Variants in SH2B2 observed in about 807,000 individuals in gnomAD.
SH2B2 encodes the protein SH2B adaptor protein 2.
SH2B2 carries 37 observed loss-of-function variants against 35.7 expected under a neutral mutation model. The ratio of observed to expected loss-of-function variants is 1.04; its 90% CI spans 0.80 to 1.36. The LOEUF (loss-of-function observed/expected upper bound fraction) is 1.36. Ranked by LOEUF, SH2B2 falls within the 40% of genes most tolerant of loss-of-function variation. The pLI is 0.00. For synonymous variants in SH2B2, 383 were observed against 376.4 expected (o/e 1.02, Z -0.20); for missense variants, 852 against 817.7 (o/e 1.04, Z -0.51).
Position 102,300,526 on chromosome 7 carries a change from A to C in SH2B2, c.-25A>C. On this transcript the variant is annotated 5_prime_UTR_variant, in exon 2 of 9. Coordinates refer to ENST00000444095, the MANE Select transcript of SH2B2 (RefSeq NM_001359228.2). ...GCGCGCTCTTCTCGCCCGAAGCCGCAGGTGGCTGCGATGGGACGGAAGCCA... is the reference window on the plus strand; with the variant it reads ...GCGCGCTCTTCTCGCCCGAAGCCGCCGGTGGCTGCGATGGGACGGAAGCCA... The C allele has an allele frequency of 6.5e-7, 1 of 1,533,996 alleles. No homozygotes were observed. Among genetic ancestry groups the C allele is most frequent in the Non-Finnish European group, 8.8e-7 (1 of 1,142,714 alleles).
chr7:102,293,255 G>A (rs1221300475), intron 1 of SH2B2: 1 of 140,960 alleles, frequency 7.1e-6, no homozygotes, highest in African/African-American at 2.6e-5. Context: ...TTTTACCGCC[G>A]GAAAGCCGCC....
intron 1 of SH2B2, among the ~76,000 whole-genome samples, chr7:102,294,861 C>T (rs1446762830): frequency 2.6e-5 from 4 of 152,204 alleles, no homozygotes; most frequent in African/African-American, 4.8e-5. Flanking sequence ...GGGGCTGGAC[C>T]TACTGAGGGC....
At chr7:102,303,977 A>G (rs1793297996) in intron 2 of SH2B2, among the ~76,000 whole-genome samples, 1 of 152,068 alleles carries the variant, frequency 6.6e-6, no homozygotes, top group South Asian at 2.1e-4. Context: ...GTGTCATGCA[A>G]AGGTGGGGGC....
chr7:102,294,312 G>A (rs781870585), intron 1 of SH2B2, among the ~76,000 whole-genome samples: 8 of 152,190 alleles, frequency 5.3e-5, no homozygotes, highest in Non-Finnish European at 1.0e-4. Context: ...ACAGGCTTGA[G>A]CCACCACATC....
rs529488609 is a variant in SH2B2, at chr7:102,301,584, G to A, written c.729+305G>A. Among the ~76,000 whole-genome samples, 37 of 151,434 alleles carry A rather than the reference G, an allele frequency of 2.4e-4. No individual in the cohort carries two copies. In the East Asian group the frequency reaches 6.2e-3, roughly 26 times the overall value. On this transcript the variant is annotated intron_variant, in intron 2 of 8. Transcript: ENST00000444095. ...CGTGTGTGTGTGTGTGTGTGTGTGC[G>A]CGCGCGTGTGTGTGTGTCCCTCTGT...
At chr7:102,289,189 G>T (rs1792576295) in intron 1 of SH2B2, among the ~76,000 whole-genome samples, 1 of 152,198 alleles carries the variant, frequency 6.6e-6, no homozygotes, top group Non-Finnish European at 1.5e-5. Context: ...GGTTCCTCTG[G>T]GTGAAGCAGG....
At chr7:102,315,456 G>T (rs542019610) in intron 6 of SH2B2, among the ~76,000 whole-genome samples, 2 of 152,122 alleles carry the variant, frequency 1.3e-5, no homozygotes, top group East Asian at 3.9e-4. Context: ...AGCCTCCCGA[G>T]TAGCTGAGAT....
chr7:102,293,248 T>A (rs1323595917), intron 1 of SH2B2: 18 of 142,736 alleles, frequency 1.3e-4, no homozygotes, highest in African/African-American at 4.4e-4. Context: ...GCGCTATTTT[T>A]ACCGCCGGAA....
At chr7:102,298,822 C>T (rs1793020978) in intron 1 of SH2B2, among the ~76,000 whole-genome samples, 1 of 152,064 alleles carries the variant, frequency 6.6e-6, no homozygotes, top group South Asian at 2.1e-4. Flanking sequence ...CTCACCTTGG[C>T]CTCCCAAAGT....
In SH2B2 at chr7:102,301,230, G is replaced by A; in HGVS notation, c.680G>A (p.Arg227Lys). The A allele has an allele frequency of 6.2e-7, 1 of 1,603,340 alleles. No homozygotes were observed. The highest frequency in any genetic ancestry group is 8.5e-7 in the Non-Finnish European group (1 of 1,175,892). Residue 227 changes from arginine to lysine, a missense_variant, in exon 2 of 9, where the codon AGG (arginine) becomes AAG (lysine). By Grantham distance (26) the Arg-to-Lys change is conservative (BLOSUM62 2). Transcript: ENST00000444095. ...CAGAAGTGCCGCCTGCTCCTGCGCAGGGCTGTGGCCGAGGAACGCTTCCGC... is the reference window on the plus strand; with the variant it reads ...CAGAAGTGCCGCCTGCTCCTGCGCAAGGCTGTGGCCGAGGAACGCTTCCGC... ...QWQKCRLLLR[R>K]AVAEERFRLE...
chr7:102,310,835 C>A (rs1248382307), intron 4 of SH2B2, among the ~76,000 whole-genome samples: 5 of 152,248 alleles, frequency 3.3e-5, no homozygotes, highest in East Asian at 1.9e-4. Context: ...TGGCAGGGTC[C>A]CAGACACCTC....
intron 3 of SH2B2, among the ~76,000 whole-genome samples, chr7:102,307,756 T>C (rs1171445474): frequency 6.6e-6 from 1 of 151,222 alleles, no homozygotes; most frequent in Non-Finnish European, 1.5e-5. Flanking sequence ...GCCCAACAAC[T>C]ACATTTTTTT....
At position 102,300,550 on chromosome 7, in the gene SH2B2, C is replaced by A; in HGVS notation, c.-1C>A. 1 of 1,544,324 alleles carries A rather than the reference C, an allele frequency of 6.5e-7. No homozygotes were observed. The highest frequency in any genetic ancestry group is 1.2e-5 in the South Asian group (1 of 84,004). Reference sequence around the variant, plus strand: ...CAGGTGGCTGCGATGGGACGGAAGCCATGAATGGTGCCGGCCCTGGCCCCG... The same window carrying A: ...CAGGTGGCTGCGATGGGACGGAAGCAATGAATGGTGCCGGCCCTGGCCCCG... On this transcript the variant is annotated 5_prime_UTR_variant, in exon 2 of 9. Transcript: ENST00000444095.
chr7:102,321,449 C>G lies in SH2B2; in HGVS notation c.1718C>G (p.Ser573Trp), dbSNP rs1487343614. 4 of 1,250,340 alleles carry G rather than the reference C, an allele frequency of 3.2e-6. No homozygotes were observed. The highest frequency in any genetic ancestry group is 3.0e-6 in the Non-Finnish European group (3 of 994,134). 77.5% of individuals were successfully genotyped at this position (1,250,340 alleles called of 1,614,324 possible). ...AAGASSSSAS[S>W]SSAASGPAPP... The stretch of plus-strand genomic sequence containing the variant: ...GGCGCCTCCTCGTCTTCCGCCTCGT[C>G]GTCCTCTGCCGCGTCGGGGCCCGCC... The change falls in exon 9 of 9, where the codon TCG (serine) becomes TGG (tryptophan). Residue 573 changes from serine (S) to tryptophan (W), a missense_variant. This residue lies in a region of SH2B2 where 556 missense variants were observed against 514.5 expected (regional missense o/e 1.08). Coordinates refer to ENST00000444095, the MANE Select transcript of SH2B2 (RefSeq NM_001359228.2).
In SH2B2 at chr7:102,321,501, C is replaced by T. The variant is rs1794083953; in HGVS notation, c.1770C>T (p.Leu590=). 4.3e-6 allele frequency: 5 copies of T among 1,158,202 alleles called. No individual in the cohort carries two copies. The highest frequency in any genetic ancestry group is 5.3e-6 in the Non-Finnish European group (5 of 940,114). The allele number at this position is 1,158,202 out of a possible 1,614,324, so 71.7% of individuals were successfully genotyped here. A position where few individuals can be genotyped will look rare whatever the true frequency, so the allele number is the denominator to read the frequency against. Residue 590 remains leucine (L), a synonymous_variant, in exon 9 of 9, where the codon CTC becomes CTT. Transcript: ENST00000444095. ...CCCCGCGCCCCGTCGAGGGCCAGCT[C>T]AGCGCGCGGAGCCGCAGCAACAGCG... ...PAPPRPVEGQ[L]SARSRSNSAE... is the part of the protein sequence containing the mutation.
chr7:102,308,980 C>A, intron 4 of SH2B2, 74 bp downstream of exon 4: 1 of 1,201,264 alleles, frequency 8.3e-7, no homozygotes. Flanking sequence ...CCAGGAGCAG[C>A]TTCCTAGCAG....
At chr7:102,294,828 C>T (rs1286721419) in intron 1 of SH2B2, among the ~76,000 whole-genome samples, 2 of 152,172 alleles carry the variant, frequency 1.3e-5, no homozygotes, top group Admixed American at 6.5e-5. Flanking sequence ...CCTCTAGCTG[C>T]TCAACCTGCT....
chr7:102,315,839 A>G (rs1793810529), intron 6 of SH2B2, among the ~76,000 whole-genome samples: 2 of 151,568 alleles, frequency 1.3e-5, no homozygotes, highest in Admixed American at 1.3e-4. Flanking sequence ...ATAGGGTTGG[A>G]ATCAGGGATT....
rs782751129 is a variant in SH2B2 at position 102,317,298 on chromosome 7, C to T, written c.1298C>T (p.Ala433Val). The T allele has an allele frequency of 1.1e-5, 17 of 1,613,582 alleles. No individual in the cohort carries two copies. In the South Asian group the frequency reaches 1.8e-4, roughly 17 times the overall value. ...GTCAAGGCTGCTCAACTGGTTCTGG[C>T]AGGGGGGCCCCGGAACCACGGCCTC... ...SRVKAAQLVL[A>V]GGPRNHGLFV... is the part of the protein sequence containing the mutation. The change falls in exon 7 of 9, where the codon GCA becomes GTA. Residue 433 changes from alanine (A) to valine (V), a missense_variant. Physicochemically the swap from Ala to Val is moderately conservative, Grantham distance 64 (BLOSUM62 0). Transcript: ENST00000444095.
Sources: allele counts gnomAD v4.1 joint callset (sites outside exome capture counted in the v4.1 genomes callset), GRCh38; gene constraint gnomAD v4.1.1; regional missense constraint gnomAD v4.1.1; transcripts MANE v1.5; gene names NCBI Gene and HGNC (gene_info 2026-07-23, HGNC 2026-07-21).